The following MARCHF1 variants were observed in gnomAD, a reference collection of about 807,000 sequenced individuals.
MARCHF1 encodes membrane associated ring-CH-type finger 1, also known as E3 ubiquitin-protein ligase MARCHF1.
MARCHF1 carries 40 observed loss-of-function variants against 54.2 expected under a neutral mutation model. That is an observed-to-expected ratio of 0.74 (90% CI 0.57 to 0.96). MARCHF1 has a LOEUF of 0.96. Among genes scored for constraint, MARCHF1 ranks in the 40% least tolerant of loss-of-function variants. The probability of loss-of-function intolerance (pLI) is 0.00; values close to 1 mark genes in which losing one functional copy is unlikely to be tolerated. For synonymous variants in MARCHF1, 236 were observed against 236.3 expected (o/e 1.00, Z 0.01); for missense variants, 586 against 656.5 (o/e 0.89, Z 1.17).
At chr4:164,061,830 C>T (rs1754623466) in intron 2 of MARCHF1, among the ~76,000 whole-genome samples, 1 of 152,070 alleles carries the variant, frequency 6.6e-6, no homozygotes, top group Non-Finnish European at 1.5e-5. Flanking sequence ...AATCTTTTTG[C>T]TGGTGGACAA....
chr4:163,634,838 T>A (rs1742254606), intron 5 of MARCHF1, among the ~76,000 whole-genome samples: 2 of 140,408 alleles, frequency 1.4e-5, no homozygotes, highest in Non-Finnish European at 1.5e-5. Context: ...ATTGACCACA[T>A]AATTGGAAGT....
chr4:163,635,721 G>A (rs1259179838), intron 5 of MARCHF1, among the ~76,000 whole-genome samples: 1 of 151,740 alleles, frequency 6.6e-6, no homozygotes, highest in African/African-American at 2.4e-5. Context: ...AGAAAAAGAG[G>A]GAATCCTCCC....
intron 5 of MARCHF1, among the ~76,000 whole-genome samples, chr4:163,634,263 A>C (rs953768634): frequency 9.9e-5 from 15 of 151,244 alleles, no homozygotes; most frequent in South Asian, 8.5e-4. Flanking sequence ...CTTTAAATGA[A>C]AATGGACTAA....
At chr4:164,361,059 T>C (rs1326884212) in intron 1 of MARCHF1, among the ~76,000 whole-genome samples, 2 of 151,680 alleles carry the variant, frequency 1.3e-5, no homozygotes, top group East Asian at 4.0e-4. Flanking sequence ...TATGGTACAG[T>C]GCTGTGTATC....
intron 1 of MARCHF1, among the ~76,000 whole-genome samples, chr4:164,141,959 T>A (rs945067546): frequency 5.9e-5 from 9 of 151,652 alleles, no homozygotes; most frequent in Admixed American, 1.3e-4. Context: ...GGTCAGTGGG[T>A]GGGCGCACCG....
At chr4:163,574,756 C>T in intron 8 of MARCHF1, among the ~76,000 whole-genome samples, 1 of 152,040 alleles carries the variant, frequency 6.6e-6, no homozygotes, top group East Asian at 1.9e-4. Context: ...TGTGATGCCT[C>T]CAGCTTCGTT....
intron 9 of MARCHF1, among the ~76,000 whole-genome samples, chr4:163,538,325 TA>T (rs3839194): frequency 0.4 from 57,553 of 144,940 alleles, 11,822 homozygotes; most frequent in Non-Finnish European, 0.47. Flanking sequence ...GTAAAATTTA[TA>T]AATTTTTTTT....
At chr4:164,089,406 A>G (rs962828413) in intron 2 of MARCHF1, among the ~76,000 whole-genome samples, 3 of 152,142 alleles carry the variant, frequency 2.0e-5, no homozygotes, top group African/African-American at 7.2e-5. Flanking sequence ...TGAGGTTACT[A>G]GATCGCATGT....
chr4:164,210,610 GTT>G (rs1013469469), intron 1 of MARCHF1, among the ~76,000 whole-genome samples: 1 of 152,062 alleles, frequency 6.6e-6, no homozygotes, highest in Non-Finnish European at 1.5e-5. Flanking sequence ...AGTGTTTCAT[GTT>G]ATGTTATTAT....
intron 7 of MARCHF1, among the ~76,000 whole-genome samples, chr4:163,598,228 C>G (rs67502022): frequency 0.33 from 50,361 of 152,062 alleles, 8,519 homozygotes; most frequent in African/African-American, 0.37. Flanking sequence ...CAGATCCCTG[C>G]ATTTGTAGGT....
At chr4:163,679,880 G>T (rs1298471197) in intron 5 of MARCHF1, among the ~76,000 whole-genome samples, 1 of 151,938 alleles carries the variant, frequency 6.6e-6, no homozygotes, top group Non-Finnish European at 1.5e-5. Flanking sequence ...GATTACAGGG[G>T]TGAGCCACCG....
Position 164,209,593 on chromosome 4 carries a change from A to G in MARCHF1, c.-322-97931T>C, listed in dbSNP as rs74482657. 6.5e-3 allele frequency among the ~76,000 whole-genome samples: 985 copies of G among 152,334 alleles called. 17 individuals are homozygous for G. The highest frequency in any genetic ancestry group is 0.022 in the African/African-American group (902 of 41,576). ...CATGATAGCAGAGAGATCCAGACTT[A>G]TGGAGAAAAAGGAATAGCCAAAAAG... On this transcript the variant is annotated intron_variant, in intron 1 of 9. Transcript: ENST00000514618.
At chr4:164,125,383 T>C (rs1260349826) in intron 1 of MARCHF1, among the ~76,000 whole-genome samples, 1 of 152,178 alleles carries the variant, frequency 6.6e-6, no homozygotes, top group Non-Finnish European at 1.5e-5. Context: ...CCTCCCACTC[T>C]GCATTGGAAG....
At chr4:163,802,151 C>T (rs1355936220) in intron 4 of MARCHF1, among the ~76,000 whole-genome samples, 1 of 152,004 alleles carries the variant, frequency 6.6e-6, no homozygotes, top group Non-Finnish European at 1.5e-5. Context: ...GAATCCATCC[C>T]TCAAAAAGTT....
intron 1 of MARCHF1, among the ~76,000 whole-genome samples, chr4:164,362,774 A>C (rs1280540436): frequency 2.0e-5 from 3 of 152,166 alleles, no homozygotes; most frequent in African/African-American, 7.2e-5. Context: ...CATGGCTAGA[A>C]ACTCATTTAC....
At chr4:163,996,042 C>G (rs74939395) in intron 2 of MARCHF1, among the ~76,000 whole-genome samples, 1 of 151,744 alleles carries the variant, frequency 6.6e-6, no homozygotes, top group East Asian at 1.9e-4. Context: ...TCTTTGGAAA[C>G]TATATTTTAC....
intron 1 of MARCHF1, among the ~76,000 whole-genome samples, chr4:164,143,969 T>A (rs1729585090): frequency 6.6e-6 from 1 of 152,054 alleles, no homozygotes; most frequent in South Asian, 2.1e-4. Flanking sequence ...AATAAAAGGA[T>A]GGAAGAAGAT....
intron 1 of MARCHF1, among the ~76,000 whole-genome samples, chr4:164,381,794 C>A (rs1731378712): frequency 2.0e-5 from 3 of 152,146 alleles, no homozygotes; most frequent in African/African-American, 7.2e-5. Context: ...GCAACAGGTT[C>A]TCTAAGAACC....
At chr4:163,538,732 A>G (rs3797021) in intron 9 of MARCHF1, among the ~76,000 whole-genome samples, 60,031 of 151,998 alleles carry the variant, frequency 0.39, 12,984 homozygotes, top group Admixed American at 0.53. Context: ...TTATCCACCT[A>G]AACTCAGATA....
Sources: allele counts gnomAD v4.1 joint callset (sites outside exome capture counted in the v4.1 genomes callset), GRCh38; gene constraint gnomAD v4.1.1; transcripts MANE v1.5; gene names NCBI Gene and HGNC (gene_info 2026-07-23, HGNC 2026-07-21).